ARHGAP24: variants seen among roughly 807,000 people sequenced by gnomAD.
ARHGAP24 encodes Rho GTPase activating protein 24, also known as rho GTPase-activating protein 24.
ARHGAP24 carries 50 observed loss-of-function variants against 76.4 expected under a neutral mutation model. The observed-to-expected ratio is 0.65, with a 90% CI of 0.52 to 0.83. The LOEUF (loss-of-function observed/expected upper bound fraction) is 0.83. ARHGAP24 is among the 40% of genes least tolerant of loss of function. The pLI, the probability that ARHGAP24 is intolerant of heterozygous loss-of-function variation, is 0.00. For synonymous variants in ARHGAP24, 345 were observed against 323.3 expected, an observed-to-expected ratio of 1.07 and a Z score of -0.72; for missense variants, 930 against 914.2, an observed-to-expected ratio of 1.02 and a Z score of -0.22.
At chr4:85,927,368 G>A (rs1484888565) in intron 4 of ARHGAP24, among the ~76,000 whole-genome samples, 1 of 152,146 alleles carries the variant, frequency 6.6e-6, no homozygotes, top group African/African-American at 2.4e-5. Flanking sequence ...ATAGCCAAAA[G>A]ATACAGGGTT....
At chr4:85,787,342 G>A (rs751458192) in intron 3 of ARHGAP24, among the ~76,000 whole-genome samples, 1 of 152,084 alleles carries the variant, frequency 6.6e-6, no homozygotes, top group Non-Finnish European at 1.5e-5. Flanking sequence ...GTTTATCTTA[G>A]ATTCTTCACC....
At chr4:85,598,560 A>G (rs1719918399) in intron 2 of ARHGAP24, among the ~76,000 whole-genome samples, 1 of 152,000 alleles carries the variant, frequency 6.6e-6, no homozygotes. Flanking sequence ...AGAATTCTGG[A>G]TCTTGAAATT....
rs186380921 is a variant in ARHGAP24 at position 85,919,056 on chromosome 4, A to G, written c.269-4592A>G. Among the ~76,000 whole-genome samples, 259 of 152,356 alleles carry G rather than the reference A, an allele frequency of 1.7e-3. 2 individuals are homozygous for G. The highest frequency in any genetic ancestry group is 5.6e-3 in the African/African-American group (233 of 41,592). ...TCACGTAACATGAATATAATGTGAT[A>G]TAATACACACACATATCACATATGG... On this transcript the variant is annotated intron_variant, in intron 3 of 9. Coordinates refer to ENST00000395184, the MANE Select transcript of ARHGAP24 (RefSeq NM_001025616.3).
intron 3 of ARHGAP24, among the ~76,000 whole-genome samples, chr4:85,818,296 A>G (rs1027398581): frequency 6.6e-6 from 1 of 152,194 alleles, no homozygotes; most frequent in African/African-American, 2.4e-5. Context: ...ACCCCTGCCC[A>G]CCTGCAGGGG....
intron 2 of ARHGAP24, among the ~76,000 whole-genome samples, chr4:85,578,018 AC>A (rs1727456806): frequency 6.6e-6 from 1 of 152,140 alleles, no homozygotes; most frequent in South Asian, 2.1e-4. Context: ...TTATCTTGGG[AC>A]CTTACATTTT....
chr4:85,997,676 CAG>C (rs1740766607), intron 9 of ARHGAP24, among the ~76,000 whole-genome samples: 1 of 151,294 alleles, frequency 6.6e-6, no homozygotes, highest in African/African-American at 2.4e-5. Context: ...TATTTTTTGA[CAG>C]AGTCTCACTC....
rs190225454 is a variant in ARHGAP24 at position 85,669,385 on chromosome 4, C to G, written c.181-52500C>G. Among the ~76,000 whole-genome samples the G allele has an allele frequency of 3.4e-4, 52 of 151,942 alleles. 1 individual carries two copies. Among genetic ancestry groups the G allele is most frequent in the African/African-American group, 1.1e-3 (46 of 41,410 alleles). On this transcript the variant is annotated intron_variant, in intron 2 of 9. Coordinates refer to ENST00000395184, the MANE Select transcript of ARHGAP24 (RefSeq NM_001025616.3). The stretch of plus-strand genomic sequence containing the variant: ...GTAGCAGCAGCTCAATAGGCCCATT[C>G]TAATATTTCTGGTGCAGTCACAATT...
At chr4:85,595,390 T>G (rs1371280362) in intron 2 of ARHGAP24, among the ~76,000 whole-genome samples, 3 of 152,102 alleles carry the variant, frequency 2.0e-5, no homozygotes, top group Non-Finnish European at 4.4e-5. Context: ...TCAGGTGGTA[T>G]TTATAGTTAT....
chr4:85,911,585 C>T (rs1007540847), intron 3 of ARHGAP24, among the ~76,000 whole-genome samples: 1 of 152,096 alleles, frequency 6.6e-6, no homozygotes, highest in Non-Finnish European at 1.5e-5. Flanking sequence ...ACATTGAAGA[C>T]ATTGTGCCTT....
At chr4:85,716,753 CAGTGGATAGGT>C (rs1338659660) in intron 2 of ARHGAP24, among the ~76,000 whole-genome samples, 1 of 151,986 alleles carries the variant, frequency 6.6e-6, no homozygotes, top group Admixed American at 6.6e-5. Context: ...TAATGAAAAC[CAGTGGATAGGT>C]AAAACACCCC....
rs766470885 is a variant in ARHGAP24 at position 86,000,459 on chromosome 4, C to CG, written c.2004-20_2004-19insG. On this transcript the variant is annotated intron_variant, in intron 9 of 9. Coordinates refer to ENST00000395184, the MANE Select transcript of ARHGAP24 (RefSeq NM_001025616.3). ...TACTCTTGCGTCCCCACCCCCCACC[C>CG]CCCCCAACATCCTTTGTAGCTTAGA... is the stretch of plus-strand genomic sequence containing the variant. The CG allele has an allele frequency of 2.8e-6, 2 of 726,280 alleles. No homozygotes were observed. Among genetic ancestry groups the CG allele is most frequent in the Non-Finnish European group, 4.3e-6 (2 of 469,024 alleles). The allele number at this position is 726,280 out of a possible 1,614,324, so 45.0% of individuals were successfully genotyped here.
At chr4:85,891,359 C>G (rs1289577806) in intron 3 of ARHGAP24, among the ~76,000 whole-genome samples, 1 of 129,588 alleles carries the variant, frequency 7.7e-6, no homozygotes, top group African/African-American at 3.0e-5. Flanking sequence ...ATTTCCTTCT[C>G]CTGCCTGATT....
intron 8 of ARHGAP24, among the ~76,000 whole-genome samples, chr4:85,983,203 C>G (rs180940942): frequency 2.6e-5 from 4 of 152,148 alleles, no homozygotes; most frequent in Non-Finnish European, 5.9e-5. Flanking sequence ...GATTTCATGT[C>G]TTTGCTATTG....
intron 2 of ARHGAP24, among the ~76,000 whole-genome samples, chr4:85,703,769 G>A (rs778367579): frequency 1.8e-4 from 27 of 152,108 alleles, no homozygotes; most frequent in Non-Finnish European, 3.7e-4. Flanking sequence ...AGCCCAAACA[G>A]ACTAAGGCAC....
At chr4:85,578,014 TGG>T (rs1727456022) in intron 2 of ARHGAP24, among the ~76,000 whole-genome samples, 1 of 152,232 alleles carries the variant, frequency 6.6e-6, no homozygotes, top group Admixed American at 6.5e-5. Context: ...GATTTTATCT[TGG>T]GACCTTACAT....
At chr4:85,479,140 T>C (rs936571090) in intron 1 of ARHGAP24, among the ~76,000 whole-genome samples, 4 of 152,208 alleles carry the variant, frequency 2.6e-5, no homozygotes, top group Admixed American at 6.5e-5. Flanking sequence ...AAAATGTCTA[T>C]TTGGTCTTAG....
chr4:85,495,818 G>A (rs1723560068), intron 1 of ARHGAP24, among the ~76,000 whole-genome samples: 1 of 152,168 alleles, frequency 6.6e-6, no homozygotes, highest in African/African-American at 2.4e-5. Context: ...AGGCATGAGA[G>A]TGATTCAGTG....
chr4:85,665,694 T>C (rs1722587591), intron 2 of ARHGAP24, among the ~76,000 whole-genome samples: 1 of 152,240 alleles, frequency 6.6e-6, no homozygotes, highest in Admixed American at 6.5e-5. Flanking sequence ...TCAGGAGCTC[T>C]TTTAGGGCAG....
At chr4:85,889,939 C>G (rs1198554969) in intron 3 of ARHGAP24, among the ~76,000 whole-genome samples, 1 of 151,960 alleles carries the variant, frequency 6.6e-6, no homozygotes, top group Non-Finnish European at 1.5e-5. Flanking sequence ...TTTTAATTGC[C>G]TCTTTTTCCT....
Sources: gnomAD v4.1 joint callset for allele counts (sites outside exome capture counted in the v4.1 genomes callset) on GRCh38, gnomAD v4.1.1 for gene constraint, MANE v1.5 for transcripts, NCBI Gene and HGNC (gene_info 2026-07-23, HGNC 2026-07-21) for gene names.